Variants in GCNT2 observed in about 807,000 individuals in gnomAD.
The protein encoded by GCNT2 is glucosaminyl (N-acetyl) transferase 2 (I blood group), also known as N-acetyllactosaminide beta-1,6-N-acetylglucosaminyl-transferase.
A neutral mutation model predicts 34.2 loss-of-function variants in GCNT2; 34 were observed. The ratio of observed to expected loss-of-function variants is 1.00; its 90% confidence interval spans 0.76 to 1.32. The LOEUF (loss-of-function observed/expected upper bound fraction) is 1.32, where lower values mean the gene tolerates loss of function less well. Ranked by LOEUF, GCNT2 falls within the 40% of genes most tolerant of loss-of-function variation. The pLI is 0.00. For missense variants in GCNT2, 584 were observed against 489.4 expected, an observed-to-expected ratio of 1.19 and a Z score of -1.82; for synonymous variants, 212 against 188.0, an observed-to-expected ratio of 1.13 and a Z score of -1.04.
At chr6:10,552,986 T>C (rs1378549208) in intron 3 of GCNT2, among the ~76,000 whole-genome samples, 1 of 152,216 alleles carries the variant, frequency 6.6e-6, no homozygotes, top group Non-Finnish European at 1.5e-5. Flanking sequence ...AACGCGACTT[T>C]AACAAACTCT....
At chr6:10,620,752 T>C (rs914902432) in intron 3 of GCNT2, among the ~76,000 whole-genome samples, 3 of 152,176 alleles carry the variant, frequency 2.0e-5, no homozygotes, top group Non-Finnish European at 4.4e-5. Context: ...CCCTTCAATC[T>C]CTATGACCTA....
chr6:10,537,949 C>A (rs891446808), intron 3 of GCNT2, among the ~76,000 whole-genome samples: 2 of 151,928 alleles, frequency 1.3e-5, no homozygotes, highest in Non-Finnish European at 1.5e-5. Flanking sequence ...TGTTTACCCT[C>A]ATGATCTCAT....
intron 3 of GCNT2, among the ~76,000 whole-genome samples, chr6:10,572,245 A>T (rs1313254190): frequency 2.0e-5 from 3 of 152,216 alleles, no homozygotes; most frequent in Non-Finnish European, 4.4e-5. Flanking sequence ...TAACCTGGAA[A>T]AAAAATGATC....
intron 1 of GCNT2, among the ~76,000 whole-genome samples, chr6:10,526,573 C>CT (rs554726110): frequency 0.012 from 1,814 of 149,742 alleles, 39 homozygotes; most frequent in African/African-American, 0.039. Context: ...TTCCTGCGTT[C>CT]TTTTTTTTTT....
chr6:10,608,152 A>AC (rs1168124022), intron 3 of GCNT2, among the ~76,000 whole-genome samples: 4 of 140,412 alleles, frequency 2.8e-5, no homozygotes, highest in Non-Finnish European at 6.0e-5. Context: ...ATCTCGGCTC[A>AC]CTGCAATCTC....
intron 3 of GCNT2, chr6:10,557,087 C>T (rs574686656): frequency 1.3e-6 from 2 of 1,589,994 alleles, no homozygotes; most frequent in East Asian, 2.2e-5. Flanking sequence ...GCCCCCAGCT[C>T]ATGCAATTGG....
In GCNT2 at chr6:10,617,750, C is replaced by CTTTTTTTTTTTTTTTTTTT. The variant is rs3064178; in HGVS notation, c.926-3597_926-3579dup. ...CACCTGGCCAGAGTCTGCATTTCTT[C>CTTTTTTTTTTTTTTTTTTT]TTTTTTTTTTTTTTTTTTTTTTGAC... On this transcript the variant is annotated intron_variant, in intron 3 of 4. Transcript: ENST00000495262. 7.9e-5 allele frequency among the ~76,000 whole-genome samples: 8 copies of CTTTTTTTTTTTTTTTTTTT among 101,698 alleles called. 1 individual carries two copies. Among genetic ancestry groups the CTTTTTTTTTTTTTTTTTTT allele is most frequent in the African/African-American group, 4.0e-4 (8 of 19,906 alleles). 66.7% of individuals were successfully genotyped at this position (101,698 alleles called of 152,430 possible).
At position 10,582,268 on chromosome 6, in the gene GCNT2, T is replaced by TTAAATATA. The variant is rs1301232216; in HGVS notation, c.926-39072_926-39065dup. Reference sequence around the variant, plus strand: ...AAATATATATAATATATACTATATATTAAATATATAAATATATATAATATT... The same window carrying TTAAATATA: ...AAATATATATAATATATACTATATATTAAATATATAAATATATAAATATATATAATATT... On this transcript the variant is annotated intron_variant, in intron 3 of 4. Transcript: ENST00000495262. Among the ~76,000 whole-genome samples, 119 of 112,226 alleles carry TTAAATATA rather than the reference T, an allele frequency of 1.1e-3. 1 individual carries two copies. Among genetic ancestry groups the TTAAATATA allele is most frequent in the Non-Finnish European group, 1.6e-3 (98 of 60,528 alleles). The allele number at this position is 112,226 out of a possible 152,430, so 73.6% of individuals were successfully genotyped here. A position where few individuals can be genotyped will look rare whatever the true frequency, so the allele number is the denominator to read the frequency against.
intron 3 of GCNT2, among the ~76,000 whole-genome samples, chr6:10,532,077 G>A (rs945169099): frequency 2.0e-5 from 3 of 152,028 alleles, no homozygotes; most frequent in Non-Finnish European, 2.9e-5. Flanking sequence ...GGAATAAAAC[G>A]GGCAGCTTCC....
At chr6:10,541,281 G>T (rs1762026477) in intron 3 of GCNT2, among the ~76,000 whole-genome samples, 1 of 152,128 alleles carries the variant, frequency 6.6e-6, no homozygotes, top group South Asian at 2.1e-4. Flanking sequence ...TTCTGTCTCT[G>T]CGTTACTTTG....
intron 3 of GCNT2, among the ~76,000 whole-genome samples, chr6:10,564,684 C>G (rs1296829010): frequency 6.6e-6 from 1 of 152,188 alleles, no homozygotes; most frequent in Non-Finnish European, 1.5e-5. Flanking sequence ...ACTTTTGTGT[C>G]TCAGTGACTT....
chr6:10,561,571 G>T (rs1293551468), intron 3 of GCNT2, among the ~76,000 whole-genome samples: 1 of 152,186 alleles, frequency 6.6e-6, no homozygotes, highest in Non-Finnish European at 1.5e-5. Context: ...GTGGCCGCTG[G>T]TTGATCTTCT....
At chr6:10,533,899 G>T (rs943327702) in intron 3 of GCNT2, among the ~76,000 whole-genome samples, 3 of 151,494 alleles carry the variant, frequency 2.0e-5, no homozygotes. Context: ...ACAGGCAGGG[G>T]AGGTGGACCA....
chr6:10,601,211 G>T (rs1007824939), intron 3 of GCNT2, among the ~76,000 whole-genome samples: 8 of 152,056 alleles, frequency 5.3e-5, no homozygotes, highest in African/African-American at 1.4e-4. Flanking sequence ...TTTTGAAAAA[G>T]TAGGGCTATT....
At chr6:10,522,623 A>G (rs576653686) in intron 1 of GCNT2, among the ~76,000 whole-genome samples, 1 of 152,296 alleles carries the variant, frequency 6.6e-6, no homozygotes, top group African/African-American at 2.4e-5. Context: ...AATTATCGGA[A>G]GAAGGGAGGC....
chr6:10,524,771 A>G (rs562553259), intron 1 of GCNT2, among the ~76,000 whole-genome samples: 4 of 151,920 alleles, frequency 2.6e-5, no homozygotes, highest in East Asian at 1.9e-4. Flanking sequence ...CGAGGTTGCA[A>G]TGAGCTGAGA....
At chr6:10,603,982 G>A (rs563061804) in intron 3 of GCNT2, among the ~76,000 whole-genome samples, 5 of 151,682 alleles carry the variant, frequency 3.3e-5, no homozygotes, top group African/African-American at 7.3e-5. Context: ...TGCAACCTCC[G>A]CCGCCCCGGT....
At chr6:10,616,484 T>A (rs1030485957) in intron 3 of GCNT2, among the ~76,000 whole-genome samples, 23 of 152,348 alleles carry the variant, frequency 1.5e-4, no homozygotes, top group Middle Eastern at 3.4e-3. Context: ...GAGAGCTGAT[T>A]GGTGCATTTA....
rs1762526838 is a variant in GCNT2 at position 10,552,460 on chromosome 6, G to A, written c.925+22624G>A. Reference sequence around the variant, plus strand: ...GATTCGACCTTGGGCGGGGGAAAAAGAGTGGTTGCTTCTGTACTGAATATG... The same window carrying A: ...GATTCGACCTTGGGCGGGGGAAAAAAAGTGGTTGCTTCTGTACTGAATATG... On this transcript the variant is annotated intron_variant, in intron 3 of 4. Transcript: ENST00000495262. Among the ~76,000 whole-genome samples the A allele has an allele frequency of 2.0e-5, 3 of 151,896 alleles. No homozygotes were observed. In the South Asian group the frequency reaches 6.2e-4, roughly 32 times the overall value.
Sources: allele counts gnomAD v4.1 joint callset (sites outside exome capture counted in the v4.1 genomes callset), GRCh38; gene constraint gnomAD v4.1.1; transcripts MANE v1.5; gene names NCBI Gene and HGNC (gene_info 2026-07-23, HGNC 2026-07-21).